CPNE4: variants seen among roughly 807,000 people sequenced by gnomAD.
The protein encoded by CPNE4 is copine 4.
A neutral mutation model predicts 67.9 loss-of-function variants in CPNE4; 25 were observed. The observed-to-expected ratio is 0.37, with a 90% CI of 0.27 to 0.51. The LOEUF is 0.51. Ranked by LOEUF, CPNE4 falls within the 20% of genes least tolerant of loss-of-function variation. The probability of loss-of-function intolerance (pLI) is 0.93; values close to 1 mark genes in which losing one functional copy is unlikely to be tolerated. For missense variants in CPNE4, 464 were observed against 690.8 expected, an observed-to-expected ratio of 0.67 and a Z score of 3.68; for synonymous variants, 242 against 244.9, an observed-to-expected ratio of 0.99 and a Z score of 0.11.
intron 7 of CPNE4, among the ~76,000 whole-genome samples, chr3:131,623,616 C>G (rs1940589823): frequency 1.3e-5 from 2 of 152,220 alleles, no homozygotes; most frequent in South Asian, 4.1e-4. Context: ...GTTCAAGCTT[C>G]TGTGTCAAGG....
chr3:131,747,321 G>A (rs1455942837), intron 2 of CPNE4, among the ~76,000 whole-genome samples: 33 of 151,838 alleles, frequency 2.2e-4, no homozygotes. Context: ...TGTTGTCTGT[G>A]CTTTTGAGGT....
chr3:131,887,450 T>C (rs983761908), intron 2 of CPNE4, among the ~76,000 whole-genome samples: 1 of 152,186 alleles, frequency 6.6e-6, no homozygotes, highest in Non-Finnish European at 1.5e-5. Context: ...ATGACATCTC[T>C]GAATCTCAGT....
chr3:131,736,672 G>A (rs568025566), intron 2 of CPNE4, among the ~76,000 whole-genome samples: 1 of 151,908 alleles, frequency 6.6e-6, no homozygotes, highest in African/African-American at 2.4e-5. Context: ...AGAAAGCATG[G>A]TGGGGTGGAC....
intron 1 of CPNE4, among the ~76,000 whole-genome samples, chr3:132,016,703 C>A (rs2073895685): frequency 1.3e-5 from 2 of 152,144 alleles, no homozygotes; most frequent in Admixed American, 1.3e-4. Context: ...TATTTGGAAA[C>A]CTAGTTTACT....
At chr3:131,950,542 T>A (rs1398814829) in intron 1 of CPNE4, among the ~76,000 whole-genome samples, 1 of 152,206 alleles carries the variant, frequency 6.6e-6, no homozygotes, top group Admixed American at 6.5e-5. Context: ...CATGTCAAGT[T>A]ACTCAAATTT....
intron 1 of CPNE4, among the ~76,000 whole-genome samples, chr3:131,986,423 G>C (rs747635657): frequency 6.6e-5 from 10 of 152,204 alleles, no homozygotes; most frequent in Admixed American, 5.9e-4. Flanking sequence ...AGGATGATGA[G>C]AGCAACAACC....
intron 1 of CPNE4, among the ~76,000 whole-genome samples, chr3:131,981,269 C>T (rs1274838244): frequency 1.3e-5 from 2 of 150,110 alleles, no homozygotes; most frequent in Admixed American, 6.7e-5. Flanking sequence ...ATTATATGCC[C>T]TTTGTCTTCT....
intron 2 of CPNE4, among the ~76,000 whole-genome samples, chr3:131,791,944 T>G (rs1022216408): frequency 1.3e-5 from 2 of 152,126 alleles, no homozygotes; most frequent in Non-Finnish European, 2.9e-5. Flanking sequence ...AAGACCTCAT[T>G]AAGTTATTTC....
upstream of CPNE4, among the ~76,000 whole-genome samples, chr3:132,035,829 G>A (rs1295302635): frequency 6.6e-6 from 1 of 152,212 alleles, no homozygotes; most frequent in Non-Finnish European, 1.5e-5. Flanking sequence ...TAAAGTGAAT[G>A]ACGGTCTCTT....
intron 11 of CPNE4, among the ~76,000 whole-genome samples, chr3:131,556,143 G>A (rs564110645): frequency 1.3e-5 from 2 of 152,190 alleles, no homozygotes; most frequent in East Asian, 3.9e-4. Context: ...GGAGGCCGAG[G>A]TGGGTAGATC....
At position 131,685,958 on chromosome 3, in the gene CPNE4, C is replaced by T; in HGVS notation, c.508G>A (p.Asp170Asn). The T allele has an allele frequency of 6.4e-7, 1 of 1,556,528 alleles. No individual in the cohort carries two copies. The highest frequency in any genetic ancestry group is 8.9e-7 in the Non-Finnish European group (1 of 1,128,250). The change falls in exon 6 of 16, where the codon GAT (aspartate) becomes AAT (asparagine). Residue 170 changes from aspartate (D) to asparagine (N), a missense_variant and splice_region_variant. This residue lies in a region of CPNE4 where 3 missense variants were observed against 18.0 expected (regional missense o/e 0.17). Transcript: ENST00000429747. ...AATGGGTCAGATTTACTGAAGAAAT[C>T]CTAAAATAGATAAACGTCAATGAAT... ...AFNARKLDDKDFFSKSDPFLE... is the reference protein window; with the variant it reads ...AFNARKLDDKNFFSKSDPFLE...
At chr3:131,710,257 A>G (rs2081525036) in intron 3 of CPNE4, among the ~76,000 whole-genome samples, 1 of 152,252 alleles carries the variant, frequency 6.6e-6, no homozygotes, top group African/African-American at 2.4e-5. Flanking sequence ...TATAAACAAT[A>G]GATCCATGTC....
At position 132,034,602 on chromosome 3, in the gene CPNE4, T is replaced by G; in HGVS notation, c.-37A>C. On this transcript the variant is annotated 5_prime_UTR_variant, in exon 1 of 16. Coordinates refer to ENST00000429747, the MANE Select transcript of CPNE4 (RefSeq NM_130808.3). The stretch of plus-strand genomic sequence containing the variant: ...CAATCTCGAAGAGTGGAGAGAGAAT[T>G]CAGCCCGGGACGAGGTCTGTCCCGC... The G allele has an allele frequency of 1.0e-6, 1 of 985,396 alleles. No individual in the cohort carries two copies. The highest frequency in any genetic ancestry group is 1.2e-6 in the Non-Finnish European group (1 of 829,994). The allele number at this position is 985,396 out of a possible 1,614,324, so 61.0% of individuals were successfully genotyped here.
chr3:131,878,782 G>A (rs9289403), intron 2 of CPNE4, among the ~76,000 whole-genome samples: 95,563 of 151,166 alleles, frequency 0.63, 30,371 homozygotes, highest in Admixed American at 0.72. Flanking sequence ...TGGGGTATGC[G>A]CTTATCTCTA....
intron 1 of CPNE4, among the ~76,000 whole-genome samples, chr3:131,954,496 CTTTT>C (rs200283747): frequency 2.0e-5 from 3 of 152,034 alleles, no homozygotes; most frequent in African/African-American, 4.8e-5. Flanking sequence ...TAGAAGAACT[CTTTT>C]TTTATTATTA....
intron 2 of CPNE4, among the ~76,000 whole-genome samples, chr3:131,739,801 AGT>A (rs754925645): frequency 6.6e-5 from 10 of 152,352 alleles, no homozygotes; most frequent in African/African-American, 2.4e-4. Flanking sequence ...GAGGAAGTTT[AGT>A]AACTTGTCTA....
chr3:131,758,730 G>A (rs1469539513), intron 2 of CPNE4, among the ~76,000 whole-genome samples: 9 of 152,128 alleles, frequency 5.9e-5, no homozygotes, highest in Non-Finnish European at 8.8e-5. Flanking sequence ...GAATTCCCAC[G>A]TATTGTGGGA....
chr3:131,938,340 G>C (rs1354953249), intron 1 of CPNE4, among the ~76,000 whole-genome samples: 1 of 151,636 alleles, frequency 6.6e-6, no homozygotes, highest in Non-Finnish European at 1.5e-5. Flanking sequence ...CTGCGTGACA[G>C]AGTGATATGC....
intron 2 of CPNE4, among the ~76,000 whole-genome samples, chr3:131,833,549 G>T (rs1447556546): frequency 1.3e-5 from 2 of 152,096 alleles, no homozygotes; most frequent in East Asian, 3.9e-4. Context: ...ACAAAAATTA[G>T]CTTGGGTGTG....
Sources: allele counts gnomAD v4.1 joint callset (sites outside exome capture counted in the v4.1 genomes callset), GRCh38; gene constraint gnomAD v4.1.1; regional missense constraint gnomAD v4.1.1; transcripts MANE v1.5; gene names NCBI Gene and HGNC (gene_info 2026-07-23, HGNC 2026-07-21).